RGS6: variants seen among roughly 807,000 people sequenced by gnomAD.
RGS6 encodes the protein regulator of G protein signaling 6.
RGS6 carries 30 observed loss-of-function variants against 78.5 expected under a neutral mutation model. That is an observed-to-expected ratio of 0.38 (90% CI 0.29 to 0.52). The LOEUF is 0.52. RGS6 is among the 20% of genes least tolerant of loss of function. The pLI is 0.85. For missense variants in RGS6, 495 were observed against 609.7 expected, an observed-to-expected ratio of 0.81 and a Z score of 1.98; for synonymous variants, 206 against 206.0, an observed-to-expected ratio of 1.00 and a Z score of 0.00.
chr14:72,395,772 A>C (rs1596735632), intron 3 of RGS6, among the ~76,000 whole-genome samples: 1 of 151,654 alleles, frequency 6.6e-6, no homozygotes, highest in African/African-American at 2.4e-5. Flanking sequence ...TATGAGTGAG[A>C]ACATGTGGTG....
At chr14:71,979,539 A>G (rs989406473) in intron 2 of RGS6, among the ~76,000 whole-genome samples, 17 of 152,188 alleles carry the variant, frequency 1.1e-4, no homozygotes, top group Admixed American at 1.0e-3. Context: ...GTCATTCAGG[A>G]GCAGGTTGTT....
chr14:72,520,906 A>T (rs1383165043), intron 15 of RGS6, among the ~76,000 whole-genome samples: 1 of 152,224 alleles, frequency 6.6e-6, no homozygotes, highest in African/African-American at 2.4e-5. Context: ...AGGGAAGCTA[A>T]GATATTCCAG....
At chr14:71,915,179 AC>A in the RGS6 span, among the ~76,000 whole-genome samples, 1 of 151,468 alleles carries the variant, frequency 6.6e-6, no homozygotes, top group Non-Finnish European at 1.5e-5. Flanking sequence ...AATCGCTTGA[AC>A]CGGGAGGCAG....
At chr14:71,890,204 G>T in the RGS6 span, among the ~76,000 whole-genome samples, 9 of 152,276 alleles carry the variant, frequency 5.9e-5, no homozygotes, top group South Asian at 1.4e-3. Flanking sequence ...GCAGATCAAA[G>T]ATTTGGTCAG....
At chr14:72,231,260 C>T (rs1308223824) in intron 2 of RGS6, among the ~76,000 whole-genome samples, 2 of 152,010 alleles carry the variant, frequency 1.3e-5, no homozygotes, top group Admixed American at 6.5e-5. Context: ...GGGCACTGAA[C>T]TAAGTATCAC....
At chr14:72,366,220 A>G (rs2082421048) in intron 3 of RGS6, among the ~76,000 whole-genome samples, 2 of 152,322 alleles carry the variant, frequency 1.3e-5, no homozygotes, top group East Asian at 1.9e-4. Flanking sequence ...AGATCAGGAC[A>G]AACTCATAGG....
chr14:72,418,650 G>T lies in RGS6; in HGVS notation c.185-35878G>T, dbSNP rs527925876. ...ACTGCTGAGCTCTAACCTAGAGAGA[G>T]AATGTCTCAAAACTCCTTGCATGGA... On this transcript the variant is annotated intron_variant, in intron 3 of 17. Coordinates refer to ENST00000553525, the MANE Select transcript of RGS6 (RefSeq NM_001204424.2). Among the ~76,000 whole-genome samples, 4 of 152,332 alleles carry T rather than the reference G, an allele frequency of 2.6e-5. No homozygotes were observed. The South Asian group carries it at 8.3e-4, about 32-fold the overall frequency.
At chr14:72,574,037 C>T in the RGS6 span, among the ~76,000 whole-genome samples, 6 of 152,324 alleles carry the variant, frequency 3.9e-5, 1 homozygote, top group South Asian at 1.2e-3. Flanking sequence ...TCTCGCTCTA[C>T]TGCGGAAGCA....
intron 1 of RGS6, among the ~76,000 whole-genome samples, chr14:71,957,419 T>C (rs1427178612): frequency 1.3e-5 from 2 of 151,430 alleles, no homozygotes; most frequent in African/African-American, 2.4e-5. Flanking sequence ...TCTTCAGATA[T>C]ATGACGTGAG....
At chr14:72,384,844 G>A (rs375214769) in intron 3 of RGS6, among the ~76,000 whole-genome samples, 12 of 152,186 alleles carry the variant, frequency 7.9e-5, no homozygotes, top group South Asian at 2.1e-4. Context: ...TCCGCCTCCC[G>A]GATTCAAGTA....
chr14:72,599,444 T>C, the RGS6 span, among the ~76,000 whole-genome samples: 1 of 135,438 alleles, frequency 7.4e-6, no homozygotes, highest in Non-Finnish European at 1.6e-5. Context: ...AGTCTTGCTT[T>C]GTTGCCCAGG....
chr14:72,585,331 G>A, the RGS6 span, among the ~76,000 whole-genome samples: 1 of 152,200 alleles, frequency 6.6e-6, no homozygotes. Flanking sequence ...CAGGAGGATA[G>A]ACATTGCAGG....
intron 2 of RGS6, among the ~76,000 whole-genome samples, chr14:72,204,805 G>A (rs372254926): frequency 3.9e-5 from 6 of 152,124 alleles, no homozygotes; most frequent in South Asian, 4.1e-4. Context: ...TATGAATTTC[G>A]GAGGGACAGA....
At chr14:72,456,693 T>C (rs531686009) in intron 4 of RGS6, among the ~76,000 whole-genome samples, 21 of 152,290 alleles carry the variant, frequency 1.4e-4, no homozygotes, top group African/African-American at 2.6e-4. Context: ...TCCTACAGGA[T>C]TTTGTTCTTT....
At chr14:72,108,073 T>A (rs1371260738) in intron 2 of RGS6, among the ~76,000 whole-genome samples, 1 of 152,200 alleles carries the variant, frequency 6.6e-6, no homozygotes, top group Non-Finnish European at 1.5e-5. Context: ...GTCAATGACA[T>A]GACACTTGGT....
chr14:72,427,014 C>G (rs2094458089), intron 3 of RGS6, among the ~76,000 whole-genome samples: 1 of 152,162 alleles, frequency 6.6e-6, no homozygotes, highest in Admixed American at 6.5e-5. Context: ...TGGAAAGGAC[C>G]ACATGGAAAG....
chr14:71,988,742 T>C (rs1449157623), intron 2 of RGS6, among the ~76,000 whole-genome samples: 2 of 152,164 alleles, frequency 1.3e-5, no homozygotes, highest in African/African-American at 2.4e-5. Context: ...AATATTTCCA[T>C]AGGAACCAAG....
intron 10 of RGS6, among the ~76,000 whole-genome samples, chr14:72,475,530 G>A (rs962084896): frequency 6.6e-6 from 1 of 152,096 alleles, no homozygotes; most frequent in Non-Finnish European, 1.5e-5. Context: ...GGGAGTTCAA[G>A]ACCAGCTTGA....
chr14:72,432,401 G>A (rs77554978), intron 3 of RGS6, among the ~76,000 whole-genome samples: 10 of 152,134 alleles, frequency 6.6e-5, no homozygotes, highest in Non-Finnish European at 1.3e-4. Context: ...CCTCTGCCTT[G>A]GTGTCTCACC....
Sources: allele counts gnomAD v4.1 joint callset (sites outside exome capture counted in the v4.1 genomes callset), GRCh38; gene constraint gnomAD v4.1.1; transcripts MANE v1.5; gene names NCBI Gene and HGNC (gene_info 2026-07-23, HGNC 2026-07-21).